MYO3A: variants seen among roughly 807,000 people sequenced by gnomAD.
MYO3A encodes myosin IIIA, also known as myosin-IIIa.
A neutral mutation model predicts 192.7 loss-of-function variants in MYO3A; 180 were observed. The observed-to-expected ratio is 0.93, with a 90% CI of 0.83 to 1.06. The LOEUF (loss-of-function observed/expected upper bound fraction) is 1.06. Among genes scored for constraint, MYO3A ranks in the 50% least tolerant of loss-of-function variants. The pLI, the probability that MYO3A is intolerant of heterozygous loss-of-function variation, is 0.00. For synonymous variants in MYO3A, 628 were observed against 645.3 expected (o/e 0.97, Z 0.41); for missense variants, 1,896 against 1,905.0 (o/e 1.00, Z 0.09).
chr10:25,961,416 T>C (rs956064896), intron 4 of MYO3A, among the ~76,000 whole-genome samples: 1 of 152,152 alleles, frequency 6.6e-6, no homozygotes, highest in Non-Finnish European at 1.5e-5. Context: ...TAAAATGAGT[T>C]GGATTGATTA....
intron 4 of MYO3A, among the ~76,000 whole-genome samples, chr10:25,990,970 C>G (rs1238362521): frequency 3.9e-5 from 6 of 152,128 alleles, no homozygotes; most frequent in Non-Finnish European, 8.8e-5. Flanking sequence ...CCGCAATAAA[C>G]ATATGTGTGC....
At chr10:25,938,424 G>A (rs748953304) in intron 2 of MYO3A, among the ~76,000 whole-genome samples, 1 of 152,320 alleles carries the variant, frequency 6.6e-6, no homozygotes, top group East Asian at 1.9e-4. Context: ...AAAGAATGTG[G>A]ATTTTGTGGG....
At chr10:26,062,890 AGG>A (rs1834599463) in intron 10 of MYO3A, among the ~76,000 whole-genome samples, 1 of 43,872 alleles carries the variant, frequency 2.3e-5, no homozygotes, top group African/African-American at 5.8e-5. Context: ...AGGGAATATG[AGG>A]AGAAGATAGA....
chr10:26,103,941 T>C (rs146076541), intron 17 of MYO3A, among the ~76,000 whole-genome samples: 7 of 152,310 alleles, frequency 4.6e-5, no homozygotes, highest in African/African-American at 1.7e-4. Flanking sequence ...TAATAACTTA[T>C]GGTGCTGAAC....
Position 26,157,522 on chromosome 10 carries a change from G to A in MYO3A, c.2999+7G>A, listed in dbSNP as rs1289750154. The A allele has an allele frequency of 5.6e-6, 9 of 1,611,150 alleles. No homozygotes were observed. The highest frequency in any genetic ancestry group is 6.8e-6 in the Non-Finnish European group (8 of 1,177,596). On this transcript the variant is annotated splice_region_variant and intron_variant, in intron 26 of 34. Transcript: ENST00000642920. ...TTGCTAACTTTATAAAGCGGTATGT[G>A]GATTTCTTTTTCAGTTTCTATTGTG...
At chr10:26,157,600 A>C in intron 26 of MYO3A, 85 bp downstream of exon 26, 1 of 1,440,612 alleles carries the variant, frequency 6.9e-7, no homozygotes, top group African/African-American at 1.4e-5. Context: ...ATATGAAAAA[A>C]TCTTTAGAGG....
At chr10:26,058,326 C>T (rs1834247270) in intron 10 of MYO3A, among the ~76,000 whole-genome samples, 4 of 152,004 alleles carry the variant, frequency 2.6e-5, no homozygotes. Flanking sequence ...AGCTCATTGC[C>T]TTTTAGCACT....
At chr10:25,949,238 T>C (rs1837052153) in intron 2 of MYO3A, among the ~76,000 whole-genome samples, 1 of 152,156 alleles carries the variant, frequency 6.6e-6, no homozygotes, top group Admixed American at 6.5e-5. Context: ...ATATTTGTTG[T>C]TCAGTCAATT....
At chr10:25,991,650 T>C (rs1366567647) in intron 4 of MYO3A, among the ~76,000 whole-genome samples, 3 of 152,248 alleles carry the variant, frequency 2.0e-5, no homozygotes, top group Admixed American at 6.5e-5. Context: ...GTTTTAGGTC[T>C]AACATTTAAG....
intron 14 of MYO3A, among the ~76,000 whole-genome samples, chr10:26,083,171 A>C (rs547791612): frequency 8.5e-5 from 13 of 152,294 alleles, no homozygotes; most frequent in Non-Finnish European, 1.9e-4. Context: ...CCATTAAGTA[A>C]AATAAAGATT....
intron 8 of MYO3A, chr10:26,022,565 T>A (rs1260474662): frequency 2.0e-5 from 3 of 152,188 alleles, no homozygotes; most frequent in African/African-American, 7.2e-5. Context: ...ATATCATCCT[T>A]TACATACTGC....
intron 17 of MYO3A, among the ~76,000 whole-genome samples, chr10:26,100,527 C>T (rs552670920): frequency 6.6e-6 from 1 of 152,238 alleles, no homozygotes; most frequent in African/African-American, 2.4e-5. Flanking sequence ...TTCCTGCTTT[C>T]TTTTGTGGGC....
At chr10:25,962,883 T>G (rs1038256791) in intron 4 of MYO3A, among the ~76,000 whole-genome samples, 1 of 152,194 alleles carries the variant, frequency 6.6e-6, no homozygotes, top group Non-Finnish European at 1.5e-5. Context: ...TTTCCCCTTC[T>G]TGGTTGGATG....
intron 7 of MYO3A, among the ~76,000 whole-genome samples, chr10:26,019,559 G>T (rs1357434722): frequency 1.3e-5 from 2 of 152,144 alleles, no homozygotes; most frequent in Non-Finnish European, 2.9e-5. Context: ...CTTGTGATCC[G>T]CCTGTCTTGG....
At chr10:26,110,787 G>A (rs1838118424) in intron 17 of MYO3A, among the ~76,000 whole-genome samples, 1 of 151,958 alleles carries the variant, frequency 6.6e-6, no homozygotes, top group African/African-American at 2.4e-5. Flanking sequence ...TTGTCTTTTG[G>A]AAACAAGGTC....
intron 32 of MYO3A, among the ~76,000 whole-genome samples, chr10:26,193,926 C>T (rs1843274706): frequency 6.6e-6 from 1 of 152,146 alleles, no homozygotes; most frequent in Non-Finnish European, 1.5e-5. Context: ...TGGCGTTGCC[C>T]CTGATCGCCT....
intron 34 of MYO3A, among the ~76,000 whole-genome samples, chr10:26,203,549 T>G (rs968930857): frequency 6.6e-6 from 1 of 152,176 alleles, no homozygotes; most frequent in Admixed American, 6.5e-5. Context: ...GAGAGAAAGA[T>G]TCATAGAAAA....
chr10:26,119,457 C>A (rs1037519719), intron 17 of MYO3A, among the ~76,000 whole-genome samples: 1 of 152,086 alleles, frequency 6.6e-6, no homozygotes. Flanking sequence ...CATATATATT[C>A]ATTCAACAAA....
chr10:26,153,076 A>G (rs1840895912), intron 23 of MYO3A, among the ~76,000 whole-genome samples: 1 of 152,258 alleles, frequency 6.6e-6, no homozygotes, highest in African/African-American at 2.4e-5. Context: ...TTAGGATAAT[A>G]AACTCTTCGA....
Sources: gnomAD v4.1 joint callset for allele counts (sites outside exome capture counted in the v4.1 genomes callset) on GRCh38, gnomAD v4.1.1 for gene constraint, MANE v1.5 for transcripts, NCBI Gene and HGNC (gene_info 2026-07-23, HGNC 2026-07-21) for gene names.